Variants in AXIN2 observed in about 807,000 individuals in gnomAD.
AXIN2 encodes axin-2.
A neutral mutation model predicts 74.7 loss-of-function variants in AXIN2; 21 were observed. That is an observed-to-expected ratio of 0.28 (90% CI 0.20 to 0.40). The LOEUF is 0.40. Ranked by LOEUF, AXIN2 falls within the 10% of genes least tolerant of loss-of-function variation. The probability of loss-of-function intolerance (pLI) is 1.00; values close to 1 mark genes in which losing one functional copy is unlikely to be tolerated. For missense variants in AXIN2, 1,144 were observed against 1,111.1 expected (o/e 1.03, Z -0.42); for synonymous variants, 532 against 454.9 (o/e 1.17, Z -2.16).
chr17:65,552,827 A>G (rs112125935), intron 2 of AXIN2, among the ~76,000 whole-genome samples: 11,848 of 152,092 alleles, frequency 0.078, 1,554 homozygotes, highest in African/African-American at 0.27. Context: ...TCGGGAGTTC[A>G]AGACCAGCCT....
chr17:65,549,890 G>A (rs2044167892), intron 2 of AXIN2, among the ~76,000 whole-genome samples: 2 of 152,178 alleles, frequency 1.3e-5, no homozygotes, highest in Admixed American at 6.5e-5. Context: ...CCCAGTGGTG[G>A]GTCTGCCAGG....
intron 9 of AXIN2, 135 bp from the exon 10 acceptor site, chr17:65,534,214 G>C: frequency 8.9e-7 from 1 of 1,126,268 alleles, no homozygotes; most frequent in Non-Finnish European, 1.3e-6. Flanking sequence ...ACCCAAAGTG[G>C]GGGCTGGGGC....
chr17:65,534,626 G>T (rs2043877371), intron 9 of AXIN2, among the ~76,000 whole-genome samples: 1 of 151,962 alleles, frequency 6.6e-6, no homozygotes, highest in Non-Finnish European at 1.5e-5. Context: ...TTTGTAGAAT[G>T]GCTTGAAAAA....
intron 5 of AXIN2, 170 bp from the exon 6 acceptor site, chr17:65,538,005 C>T (rs1256040333): frequency 7.7e-6 from 10 of 1,304,008 alleles, no homozygotes; most frequent in African/African-American, 7.3e-5. Flanking sequence ...CATATCCACA[C>T]GCATATGCAC....
chr17:65,528,752 C>T lies in AXIN2; in HGVS notation c.*1224G>A. The stretch of plus-strand genomic sequence containing the variant: ...GGCATAAAATATATTTATACATAAA[C>T]CCCTTTCAAAAAACAAGGGAAAGCT... On this transcript the variant is annotated 3_prime_UTR_variant, in exon 11 of 11. Coordinates refer to ENST00000307078, the MANE Select transcript of AXIN2 (RefSeq NM_004655.4). The T allele has an allele frequency of 4.0e-6, 2 of 498,566 alleles. 1 individual carries two copies. The highest frequency in any genetic ancestry group is 3.4e-5 in the South Asian group (2 of 57,972). 30.9% of individuals were successfully genotyped at this position (498,566 alleles called of 1,614,324 possible). A position where few individuals can be genotyped will look rare whatever the true frequency, so the allele number is the denominator to read the frequency against.
intron 4 of AXIN2, among the ~76,000 whole-genome samples, chr17:65,539,466 G>A (rs1401188328): frequency 6.6e-6 from 1 of 152,098 alleles, no homozygotes; most frequent in African/African-American, 2.4e-5. Context: ...CACACCCCAG[G>A]ACAAAATCAT....
At position 65,558,672 on chromosome 17, in the gene AXIN2, T is replaced by C; in HGVS notation, c.-52A>G. The C allele has an allele frequency of 6.4e-7, 1 of 1,550,944 alleles. No homozygotes were observed. The highest frequency in any genetic ancestry group is 2.3e-5 in the East Asian group (1 of 43,194). ...TGGGAATTTTTCTTCTTCCAGTTCC[T>C]CTCAGCAATCGGCGTGGTCTCTCTG... On this transcript the variant is annotated 5_prime_UTR_variant, in exon 2 of 11. Coordinates refer to ENST00000307078, the MANE Select transcript of AXIN2 (RefSeq NM_004655.4).
rs745659837 is a variant in AXIN2, at chr17:65,557,819, C to T, written c.802G>A (p.Asp268Asn). 35 of 1,614,218 alleles carry T rather than the reference C, an allele frequency of 2.2e-5. No homozygotes were observed. The highest frequency in any genetic ancestry group is 2.8e-5 in the Non-Finnish European group (33 of 1,180,040). Residue 268 changes from aspartate (D) to asparagine (N), a missense_variant, in exon 2 of 11, where the codon GAC becomes AAC. Coordinates refer to ENST00000307078, the MANE Select transcript of AXIN2 (RefSeq NM_004655.4). ...TCAAAGTCTTACCTGTATCCACTGT[C>T]AACAGTTTCCGTGGACCTCACACTC... ...TASVRSTETVDSGYRSFKRSD... is the reference protein window; with the variant it reads ...TASVRSTETVNSGYRSFKRSD...
intron 2 of AXIN2, among the ~76,000 whole-genome samples, chr17:65,554,692 G>A (rs2144566422): frequency 6.6e-6 from 1 of 152,336 alleles, no homozygotes; most frequent in Non-Finnish European, 1.5e-5. Context: ...AGCCAGCAGA[G>A]GGCCATCTGC....
intron 1 of AXIN2, chr17:65,560,000 C>CCCTCCGGCCCGGT (rs2044339121): frequency 2.0e-5 from 3 of 152,230 alleles, no homozygotes; most frequent in Admixed American, 2.0e-4. Context: ...TCCTCCGAGC[C>CCCTCCGGCCCGGT]CCTCCGGCCC....
intron 9 of AXIN2, among the ~76,000 whole-genome samples, 159 bp from the exon 10 acceptor site, chr17:65,534,238 C>T (rs1452874595): frequency 6.6e-6 from 1 of 152,234 alleles, no homozygotes; most frequent in Non-Finnish European, 1.5e-5. Context: ...GCCCCACATC[C>T]CAGAGTCAGG....
Position 65,533,788 on chromosome 17 carries a change from G to A in AXIN2, c.2405+124C>T, listed in dbSNP as rs567868793. 270 of 1,038,448 alleles carry A rather than the reference G, an allele frequency of 2.6e-4. 4 individuals carry two copies. Among genetic ancestry groups the A allele is most frequent in the South Asian group, 1.8e-3 (131 of 72,630 alleles). The allele number at this position is 1,038,448 out of a possible 1,614,324, so 64.3% of individuals were successfully genotyped here. ...AAATGAGAAGGGAGCCTCCCCCAGC[G>A]CCTGCTGAGCCCCCTCCCACCCTGC... On this transcript the variant is annotated intron_variant, in intron 10 of 10. Coordinates refer to ENST00000307078, the MANE Select transcript of AXIN2 (RefSeq NM_004655.4).
intron 8 of AXIN2, 71 bp downstream of exon 8, chr17:65,536,249 A>G (rs1598096420): frequency 6.8e-7 from 1 of 1,473,068 alleles, no homozygotes; most frequent in Non-Finnish European, 9.3e-7. Flanking sequence ...GGCCCTCCCC[A>G]TTAGCCACAG....
intron 10 of AXIN2, 146 bp from the exon 11 acceptor site, chr17:65,530,248 A>G (rs2043794752): frequency 2.6e-6 from 3 of 1,133,650 alleles, no homozygotes; most frequent in Admixed American, 1.9e-5. Flanking sequence ...ATCTGCTTTA[A>G]GACGGCAGCT....
intron 9 of AXIN2, 21 bp from the exon 10 acceptor site, chr17:65,534,100 A>T: frequency 6.2e-7 from 1 of 1,614,110 alleles, no homozygotes; most frequent in Non-Finnish European, 8.5e-7. Context: ...GATGGAATGG[A>T]ACAAGTTTAG....
At chr17:65,536,838 C>G (rs760161611) in intron 7 of AXIN2, 31 bp downstream of exon 7, 2 of 1,612,118 alleles carry the variant, frequency 1.2e-6, no homozygotes, top group Non-Finnish European at 1.7e-6. Flanking sequence ...CCATGACCCT[C>G]GCGGCCGCGG....
At position 65,536,934 on chromosome 17, in the gene AXIN2, G is replaced by A. The variant is rs373339394; in HGVS notation, c.1842C>T (p.Asp614=). The change falls in exon 7 of 11, where the codon GAC becomes GAT. Residue 614 remains aspartate (D), a synonymous_variant. Transcript: ENST00000307078. Reference sequence around the variant, plus strand: ...TCCACTGCCAGACATCCTGCGACCTGTCTCCTTCCTCCCGGGGAAGCTGCA... The same window carrying A: ...TCCACTGCCAGACATCCTGCGACCTATCTCCTTCCTCCCGGGGAAGCTGCA... The part of the protein sequence containing the change: ...GALQLPREEG[D]RSQDVWQWML... 6.2e-7 allele frequency: 1 copy of A among 1,613,536 alleles called. No individual in the cohort carries two copies. Among genetic ancestry groups the A allele is most frequent in the African/African-American group, 1.3e-5 (1 of 74,928 alleles).
chr17:65,534,423 A>T (rs1211901966), intron 9 of AXIN2, among the ~76,000 whole-genome samples: 1 of 152,234 alleles, frequency 6.6e-6, no homozygotes, highest in Non-Finnish European at 1.5e-5. Flanking sequence ...AGAAGATGAG[A>T]GAAGAGAAAT....
At chr17:65,553,868 C>T (rs931526051) in intron 2 of AXIN2, among the ~76,000 whole-genome samples, 1 of 146,144 alleles carries the variant, frequency 6.8e-6, no homozygotes, top group Non-Finnish European at 1.5e-5. Context: ...GGAGGAAACT[C>T]AAACCACGCT....
Sources: allele counts gnomAD v4.1 joint callset (sites outside exome capture counted in the v4.1 genomes callset), GRCh38; gene constraint gnomAD v4.1.1; transcripts MANE v1.5; gene names NCBI Gene and HGNC (gene_info 2026-07-23, HGNC 2026-07-21).